The following LRFN2 variants were observed in gnomAD, a reference collection of about 807,000 sequenced individuals.
LRFN2 encodes the protein leucine-rich repeat and fibronectin type-III domain-containing protein 2.
LRFN2 carries 18 observed loss-of-function variants against 37.3 expected under a neutral mutation model. The observed-to-expected ratio is 0.48, with a 90% confidence interval of 0.33 to 0.72. LRFN2 has a LOEUF of 0.72. LRFN2 is among the 30% of genes least tolerant of loss of function. The pLI, the probability that LRFN2 is intolerant of heterozygous loss-of-function variation, is 0.02. For synonymous variants in LRFN2, 556 were observed against 466.6 expected (o/e 1.19, Z -2.47); for missense variants, 1,006 against 1,060.7 (o/e 0.95, Z 0.72).
chr6:40,425,471 G>A (rs1038457330), intron 2 of LRFN2, among the ~76,000 whole-genome samples: 7 of 152,190 alleles, frequency 4.6e-5, no homozygotes, highest in African/African-American at 1.7e-4. Flanking sequence ...AACTTTCCAT[G>A]TCACCCCAGG....
chr6:40,488,626 T>C (rs544502918), intron 1 of LRFN2, among the ~76,000 whole-genome samples: 46 of 152,048 alleles, frequency 3.0e-4, no homozygotes, highest in African/African-American at 1.0e-3. Flanking sequence ...GCCCATAGAG[T>C]GTAATTATTC....
rs746243295 is a variant in LRFN2 at position 40,392,377 on chromosome 6, C to T, written c.1936G>A (p.Ala646Thr). 29 of 1,593,062 alleles carry T rather than the reference C, an allele frequency of 1.8e-5. No homozygotes were observed. Among genetic ancestry groups the T allele is most frequent in the Middle Eastern group, 1.7e-4 (1 of 6,010 alleles). The change falls in exon 3 of 3, where the codon GCC becomes ACC. Residue 646 changes from alanine to threonine, a missense_variant. Coordinates refer to ENST00000338305, the MANE Select transcript of LRFN2 (RefSeq NM_020737.3). This position sits in a 1 kb window ranked among gnomAD's most constrained non-coding sequence, Gnocchi z 4.7. Reference sequence around the variant, plus strand: ...TCAAGGCTGGGCTTGGGGCGCGGGGCGGAGGGTGGGATCCTCCAGGGGGCC... The same window carrying T: ...TCAAGGCTGGGCTTGGGGCGCGGGGTGGAGGGTGGGATCCTCCAGGGGGCC... ...GRAPWRIPPS[A>T]PRPKPSLDRL... is the part of the protein sequence containing the mutation.
intron 1 of LRFN2, among the ~76,000 whole-genome samples, chr6:40,573,587 A>T (rs1384045734): frequency 6.6e-6 from 1 of 152,188 alleles, no homozygotes; most frequent in Non-Finnish European, 1.5e-5. Context: ...ATCAGAAACA[A>T]CTGGATTCAA....
At chr6:40,526,341 A>T (rs984543837) in intron 1 of LRFN2, among the ~76,000 whole-genome samples, 5 of 152,202 alleles carry the variant, frequency 3.3e-5, no homozygotes, top group African/African-American at 1.2e-4. Flanking sequence ...TCTCTTCTAT[A>T]GTTTTCCTTG....
intron 2 of LRFN2, among the ~76,000 whole-genome samples, chr6:40,405,929 G>A (rs1762835268): frequency 6.6e-6 from 1 of 152,192 alleles, no homozygotes; most frequent in African/African-American, 2.4e-5. Context: ...TTTGCTCCCT[G>A]ACTTGGGAGG....
At chr6:40,499,050 AT>A (rs1298168826) in intron 1 of LRFN2, among the ~76,000 whole-genome samples, 1 of 152,180 alleles carries the variant, frequency 6.6e-6, no homozygotes, top group Non-Finnish European at 1.5e-5. Flanking sequence ...ATCCGAAGGC[AT>A]TTTTATGATG....
rs1371747401 is a variant in LRFN2, at chr6:40,435,030, TATATATATATATATATATATATAGAG to T, written c.-18-1925_-18-1900del. On this transcript the variant is annotated intron_variant, in intron 1 of 2. Coordinates refer to ENST00000338305, the MANE Select transcript of LRFN2 (RefSeq NM_020737.3). ...ATGGTTTTACATATATATATATATATATATATATATATATATATATATAGAGAGAGAGAGAGAGAGAGAGAGAGAGA... is the reference window on the plus strand; with the variant it reads ...ATGGTTTTACATATATATATATATATAGAGAGAGAGAGAGAGAGAGAGAGA... Among the ~76,000 whole-genome samples, 95 of 87,618 alleles carry T rather than the reference TATATATATATATATATATATATAGAG, an allele frequency of 1.1e-3. 1 individual carries two copies. The highest frequency in any genetic ancestry group is 3.8e-3 in the African/African-American group (83 of 21,592). The allele number at this position is 87,618 out of a possible 152,430, so 57.5% of individuals were successfully genotyped here. A position where few individuals can be genotyped will look rare whatever the true frequency, so the allele number is the denominator to read the frequency against.
At chr6:40,415,611 C>G (rs964352225) in intron 2 of LRFN2, among the ~76,000 whole-genome samples, 7 of 152,208 alleles carry the variant, frequency 4.6e-5, no homozygotes, top group African/African-American at 1.4e-4. Context: ...AGGACCTGCT[C>G]TAGCATATAT....
chr6:40,515,285 A>G (rs1446827313), intron 1 of LRFN2, among the ~76,000 whole-genome samples: 1 of 152,200 alleles, frequency 6.6e-6, no homozygotes, highest in Non-Finnish European at 1.5e-5. Flanking sequence ...CCTCAACTGC[A>G]TGTTGAAAAG....
chr6:40,393,390 A>C (rs1762554446), intron 2 of LRFN2, among the ~76,000 whole-genome samples: 1 of 152,002 alleles, frequency 6.6e-6, no homozygotes, highest in Non-Finnish European at 1.5e-5. Flanking sequence ...ATGGAAACAA[A>C]AACACAAAAA....
chr6:40,419,550 T>C (rs1763173994), intron 2 of LRFN2, among the ~76,000 whole-genome samples: 1 of 152,138 alleles, frequency 6.6e-6, no homozygotes. Context: ...ACTAAGGAAA[T>C]TCAATATTCT....
At chr6:40,500,165 G>C (rs1210888360) in intron 1 of LRFN2, among the ~76,000 whole-genome samples, 3 of 151,870 alleles carry the variant, frequency 2.0e-5, no homozygotes, top group African/African-American at 7.3e-5. Flanking sequence ...GTTCTCACAG[G>C]TTCTCCCCGG....
At chr6:40,425,244 T>C (rs1309275927) in intron 2 of LRFN2, among the ~76,000 whole-genome samples, 1 of 152,146 alleles carries the variant, frequency 6.6e-6, no homozygotes, top group Admixed American at 6.5e-5. Context: ...TCTCTCCTTA[T>C]AGCCCCTCAC....
chr6:40,433,175 T>C, intron 1 of LRFN2, 44 bp from the exon 2 acceptor site: 1 of 1,470,954 alleles, frequency 6.8e-7, no homozygotes, highest in Non-Finnish European at 9.1e-7. Flanking sequence ...GGCAAATTCC[T>C]AATGCACTCA....
intron 1 of LRFN2, among the ~76,000 whole-genome samples, chr6:40,515,955 C>T (rs1056475013): frequency 6.6e-6 from 1 of 151,830 alleles, no homozygotes; most frequent in African/African-American, 2.4e-5. Flanking sequence ...GTATAAATAC[C>T]CCTGCTCACT....
chr6:40,431,597 C>A (rs1763483685), intron 2 of LRFN2, 117 bp downstream of exon 2: 1 of 830,976 alleles, frequency 1.2e-6, no homozygotes, highest in African/African-American at 1.7e-5. Context: ...CCCCAGAATC[C>A]CCACAGACAC....
rs9471355 is a variant in LRFN2 at position 40,485,624 on chromosome 6, A to G, written c.-18-52493T>C. Among the ~76,000 whole-genome samples, 666 of 152,346 alleles carry G rather than the reference A, an allele frequency of 4.4e-3. 3 individuals are homozygous for G. The highest frequency in any genetic ancestry group is 0.015 in the African/African-American group (631 of 41,582). On this transcript the variant is annotated intron_variant, in intron 1 of 2. Transcript: ENST00000338305. ...CTCATAGAGAAGAATTCTCTGGCTC[A>G]GTGCCCCCGAGGTCTTGAACAGGCC... is the stretch of plus-strand genomic sequence containing the variant.
At chr6:40,470,323 G>A (rs986047197) in intron 1 of LRFN2, among the ~76,000 whole-genome samples, 1 of 152,160 alleles carries the variant, frequency 6.6e-6, no homozygotes, top group Non-Finnish European at 1.5e-5. Context: ...AATTTAAGAC[G>A]CTGTGTGGCT....
intron 1 of LRFN2, among the ~76,000 whole-genome samples, chr6:40,489,287 A>G (rs1258149032): frequency 1.3e-5 from 2 of 152,232 alleles, no homozygotes; most frequent in African/African-American, 2.4e-5. Context: ...CTAAGCACCA[A>G]TTCAACAATC....
Sources: allele counts gnomAD v4.1 joint callset (sites outside exome capture counted in the v4.1 genomes callset), GRCh38; gene constraint gnomAD v4.1.1; non-coding constraint Gnocchi (gnomAD v3.1); transcripts MANE v1.5; gene names NCBI Gene and HGNC (gene_info 2026-07-23, HGNC 2026-07-21).